Variants in CEP85L observed in about 807,000 individuals in gnomAD.
The protein encoded by CEP85L is centrosomal protein of 85 kDa-like.
Under a neutral mutation model 100.3 loss-of-function variants are expected in CEP85L, and 60 were observed. That is an observed-to-expected ratio of 0.60 (90% CI 0.49 to 0.74). CEP85L has a LOEUF of 0.74. Ranked by LOEUF, CEP85L falls within the 30% of genes least tolerant of loss-of-function variation. The pLI is 0.00. For synonymous variants in CEP85L, 319 were observed against 322.7 expected, an observed-to-expected ratio of 0.99 and a Z score of 0.12; for missense variants, 973 against 936.2, an observed-to-expected ratio of 1.04 and a Z score of -0.51.
chr6:118,707,404 G>T (rs897782432), intron 1 of CEP85L, among the ~76,000 whole-genome samples: 1 of 151,928 alleles, frequency 6.6e-6, no homozygotes, highest in Admixed American at 6.6e-5. Context: ...ATGTTGCCCA[G>T]GATGGAATGA....
At chr6:118,639,662 G>A (rs926165202) in intron 1 of CEP85L, among the ~76,000 whole-genome samples, 2 of 152,104 alleles carry the variant, frequency 1.3e-5, no homozygotes, top group African/African-American at 2.4e-5. Context: ...ATATGTATAT[G>A]ACTTTCTTCT....
At chr6:118,615,741 C>A (rs944650521) in intron 2 of CEP85L, among the ~76,000 whole-genome samples, 1 of 152,158 alleles carries the variant, frequency 6.6e-6, no homozygotes, top group Non-Finnish European at 1.5e-5. Flanking sequence ...GTCAACCACA[C>A]CTACATACCG....
chr6:118,589,624 G>A (rs1033604609), intron 2 of CEP85L: 5 of 277,794 alleles, frequency 1.8e-5, no homozygotes, highest in Non-Finnish European at 3.7e-5. Flanking sequence ...AAACCCTGAG[G>A]AAGATGACAA....
chr6:118,507,889 G>A (rs934384818), intron 5 of CEP85L, among the ~76,000 whole-genome samples: 5 of 152,204 alleles, frequency 3.3e-5, no homozygotes, highest in Middle Eastern at 3.4e-3. Context: ...AACCCTGTGC[G>A]AATCAACACA....
Position 118,565,728 on chromosome 6 carries a change from G to A in CEP85L, c.821C>T (p.Pro274Leu). The A allele has an allele frequency of 6.2e-7, 1 of 1,614,156 alleles. No individual in the cohort carries two copies. The highest frequency in any genetic ancestry group is 8.5e-7 in the Non-Finnish European group (1 of 1,180,020). ...PIMTSSEAFE[P>L]PKYLMLGQQA... ...TTGACCAAGCATTAAATATTTTGGA[G>A]GTTCAAAAGCCTCTGAGCTTGTCAT... The change falls in exon 3 of 13, where the codon CCT becomes CTT. Residue 274 changes from proline (P) to leucine (L), a missense_variant. By Grantham distance (98) the Pro-to-Leu change is moderately conservative. Coordinates refer to ENST00000368491, the MANE Select transcript of CEP85L (RefSeq NM_001042475.3).
intron 1 of CEP85L, among the ~76,000 whole-genome samples, chr6:118,659,206 T>A (rs1775891138): frequency 6.6e-6 from 1 of 152,158 alleles, no homozygotes. Context: ...TTACAAGTGC[T>A]CACACGGAAT....
Position 118,565,646 on chromosome 6 carries a change from T to C in CEP85L, c.903A>G (p.Thr301=). Residue 301 remains threonine, a synonymous_variant, in exon 3 of 13, where the codon ACA becomes ACG. Transcript: ENST00000368491. ...CCAAAGGATTTGTCCGCAGCTGCTC[T>C]GTAAGCCACATCTGAGTCCTTACGG... ...QPSVRTQMWL[T]EQLRTNPLEG... is the part of the protein sequence containing the mutation. The C allele has an allele frequency of 3.1e-6, 5 of 1,614,228 alleles. No individual in the cohort carries two copies. The highest frequency in any genetic ancestry group is 4.2e-6 in the Non-Finnish European group (5 of 1,180,036).
chr6:118,567,245 G>GTATA (rs1779593418), intron 2 of CEP85L, among the ~76,000 whole-genome samples: 1 of 31,636 alleles, frequency 3.2e-5, no homozygotes, highest in Admixed American at 3.1e-4. Context: ...GTGTGTGTGT[G>GTATA]TGTGTATATA....
chr6:118,552,661 T>C (rs931416163), intron 3 of CEP85L, among the ~76,000 whole-genome samples: 1 of 149,926 alleles, frequency 6.7e-6, no homozygotes, highest in Non-Finnish European at 1.5e-5. Flanking sequence ...TTGAACTTGA[T>C]TTTTTTTTTA....
intron 1 of CEP85L, among the ~76,000 whole-genome samples, chr6:118,669,656 T>C (rs1445877211): frequency 6.6e-6 from 1 of 152,060 alleles, no homozygotes; most frequent in Non-Finnish European, 1.5e-5. Context: ...GAACCTAGAA[T>C]TTATGGTCTC....
At chr6:118,475,360 T>A (rs888719226) in intron 10 of CEP85L, among the ~76,000 whole-genome samples, 2 of 147,802 alleles carry the variant, frequency 1.4e-5, no homozygotes, top group African/African-American at 5.0e-5. Flanking sequence ...TTTTTTTTTT[T>A]TTTTTTTTTT....
chr6:118,549,417 T>G (rs1035708880), intron 3 of CEP85L, among the ~76,000 whole-genome samples: 5 of 151,854 alleles, frequency 3.3e-5, no homozygotes, highest in Non-Finnish European at 7.4e-5. Flanking sequence ...CATTCTTAGA[T>G]CTCTGTCAGG....
intron 1 of CEP85L, among the ~76,000 whole-genome samples, chr6:118,638,876 A>G (rs1774687834): frequency 6.6e-6 from 1 of 152,162 alleles, no homozygotes; most frequent in East Asian, 1.9e-4. Context: ...TTGGAAGCAA[A>G]AATGCATACA....
At chr6:118,466,735 G>A (rs1772550333) in intron 12 of CEP85L, among the ~76,000 whole-genome samples, 1 of 152,146 alleles carries the variant, frequency 6.6e-6, no homozygotes, top group Non-Finnish European at 1.5e-5. Flanking sequence ...CTTGACCACA[G>A]AGCAGTGTAG....
intron 2 of CEP85L, among the ~76,000 whole-genome samples, chr6:118,576,081 T>C (rs1780212950): frequency 6.6e-6 from 1 of 152,034 alleles, no homozygotes; most frequent in South Asian, 2.1e-4. Flanking sequence ...GCATCTGTCC[T>C]CATCAGGGAA....
At chr6:118,515,374 T>C (rs1776212727) in intron 4 of CEP85L, among the ~76,000 whole-genome samples, 1 of 152,042 alleles carries the variant, frequency 6.6e-6, no homozygotes, top group Non-Finnish European at 1.5e-5. Flanking sequence ...AAAAACACTA[T>C]CAACTGATTT....
At chr6:118,678,080 G>A (rs1283183085) in intron 1 of CEP85L, among the ~76,000 whole-genome samples, 1 of 152,180 alleles carries the variant, frequency 6.6e-6, no homozygotes, top group Non-Finnish European at 1.5e-5. Context: ...AATTTGTACA[G>A]GGAAGAAAAT....
At chr6:118,509,431 A>T (rs549572969) in intron 5 of CEP85L, among the ~76,000 whole-genome samples, 1 of 152,250 alleles carries the variant, frequency 6.6e-6, no homozygotes, top group African/African-American at 2.4e-5. Context: ...CTCATTATAA[A>T]GCCTTGCTAT....
At chr6:118,681,105 G>T (rs1224329637) in intron 1 of CEP85L, among the ~76,000 whole-genome samples, 1 of 152,208 alleles carries the variant, frequency 6.6e-6, no homozygotes, top group Non-Finnish European at 1.5e-5. Context: ...ACTTTCACTT[G>T]ATTGCCAGCT....
Sources: allele counts gnomAD v4.1 joint callset (sites outside exome capture counted in the v4.1 genomes callset), GRCh38; gene constraint gnomAD v4.1.1; transcripts MANE v1.5; gene names NCBI Gene and HGNC (gene_info 2026-07-23, HGNC 2026-07-21).